Variants in SIRT5 observed in about 807,000 individuals in gnomAD.
The protein encoded by SIRT5 is sirtuin 5.
A neutral mutation model predicts 40.0 loss-of-function variants in SIRT5; 26 were observed. That is an observed-to-expected ratio of 0.65 (90% CI 0.48 to 0.90). The LOEUF is 0.90. Among genes scored for constraint, SIRT5 ranks in the 40% least tolerant of loss-of-function variants. The probability of loss-of-function intolerance (pLI) is 0.00; values close to 1 mark genes in which losing one functional copy is unlikely to be tolerated. For missense variants in SIRT5, 401 were observed against 402.4 expected, an observed-to-expected ratio of 1.00 and a Z score of 0.03; for synonymous variants, 146 against 149.1, an observed-to-expected ratio of 0.98 and a Z score of 0.15.
chr6:13,611,748 A>AT (rs1397482760), intron 9 of SIRT5, 42 bp from the exon 10 acceptor site: 3 of 1,449,700 alleles, frequency 2.1e-6, no homozygotes. Context: ...CATTTTGCTA[A>AT]CCTGTAGTTC....
rs567284569 is a variant in SIRT5 at position 13,593,362 on chromosome 6, T to C, written c.475+1468T>C. 2.0e-5 allele frequency among the ~76,000 whole-genome samples: 3 copies of C among 152,326 alleles called. No individual in the cohort carries two copies. In the South Asian group the frequency reaches 6.2e-4, roughly 32 times the overall value. Reference sequence around the variant, plus strand: ...ACTCATTTCGACTGTGTCTGTCTTTTGTTCATCAGGAACAGCCAGCCACCT... The same window carrying C: ...ACTCATTTCGACTGTGTCTGTCTTTCGTTCATCAGGAACAGCCAGCCACCT... On this transcript the variant is annotated intron_variant, in intron 5 of 9. Coordinates refer to ENST00000606117, the MANE Select transcript of SIRT5 (RefSeq NM_012241.5).
intron 9 of SIRT5, among the ~76,000 whole-genome samples, chr6:13,610,925 G>T (rs185547011): frequency 2.6e-5 from 4 of 152,184 alleles, no homozygotes; most frequent in Admixed American, 2.6e-4. Flanking sequence ...ATTTTTAATT[G>T]TGCTCAACTG....
intron 3 of SIRT5, chr6:13,584,862 A>G (rs1303586436): frequency 1.3e-5 from 2 of 152,240 alleles, no homozygotes. Context: ...TTTCTCCTGG[A>G]CAGAAATACT....
intron 9 of SIRT5, among the ~76,000 whole-genome samples, chr6:13,606,925 A>G (rs1584867009): frequency 6.8e-6 from 1 of 147,802 alleles, no homozygotes; most frequent in African/African-American, 2.5e-5. Context: ...CAAGAGATCC[A>G]CCTGCCTTAG....
chr6:13,584,721 A>G (rs1584759380), intron 3 of SIRT5, among the ~76,000 whole-genome samples: 1 of 152,170 alleles, frequency 6.6e-6, no homozygotes, highest in African/African-American at 2.4e-5. Flanking sequence ...AAGTCCATCT[A>G]GGACATTTTG....
intron 9 of SIRT5, among the ~76,000 whole-genome samples, chr6:13,608,821 ATT>A (rs144601335): frequency 0.01 from 1,528 of 146,350 alleles, 27 homozygotes; most frequent in African/African-American, 0.034. Context: ...ATTTTATTGG[ATT>A]TTTTTTTTTT....
In SIRT5 at chr6:13,591,845, C is replaced by T. The variant is rs200210777; in HGVS notation, c.426C>T (p.Ile142=). The change falls in exon 5 of 10, where the codon ATC becomes ATT. Residue 142 remains isoleucine (I), a synonymous_variant. Transcript: ENST00000606117. Reference sequence around the variant, plus strand: ...GAGTCGTGGTCATCACCCAGAACATCGATGAGCTGCACCGCAAGGCTGGCA... The same window carrying T: ...GAGTCGTGGTCATCACCCAGAACATTGATGAGCTGCACCGCAAGGCTGGCA... ...GRRVVVITQN[I]DELHRKAGTK... 7.4e-6 allele frequency: 12 copies of T among 1,614,002 alleles called. No individual in the cohort carries two copies. Among genetic ancestry groups the T allele is most frequent in the African/African-American group, 1.3e-5 (1 of 74,946 alleles).
chr6:13,576,404 C>T (rs367711473), intron 1 of SIRT5, among the ~76,000 whole-genome samples: 2 of 152,250 alleles, frequency 1.3e-5, no homozygotes, highest in East Asian at 3.9e-4. Flanking sequence ...TGGTGGTTAG[C>T]AAAGTTGAGC....
intron 4 of SIRT5, among the ~76,000 whole-genome samples, chr6:13,590,685 G>T (rs967768464): frequency 2.0e-5 from 3 of 151,878 alleles, no homozygotes; most frequent in Non-Finnish European, 4.4e-5. Flanking sequence ...GTGTGTAGTT[G>T]TGTATGTAGA....
chr6:13,600,738 C>A, intron 8 of SIRT5, 96 bp from the exon 9 acceptor site: 1 of 973,146 alleles, frequency 1.0e-6, no homozygotes, highest in Non-Finnish European at 1.5e-6. Context: ...CACCTGCAAC[C>A]ACAGACCTGC....
In SIRT5 at chr6:13,591,873, A is replaced by G; in HGVS notation, c.454A>G (p.Lys152Glu). The stretch of plus-strand genomic sequence containing the variant: ...TGAGCTGCACCGCAAGGCTGGCACC[A>G]AGAACCTTCTGGAGATCCATGGTGA... ...IDELHRKAGT[K>E]NLLEIHGSLF... is the part of the protein sequence containing the mutation. The change falls in exon 5 of 10, where the codon AAG becomes GAG. Residue 152 changes from lysine (K) to glutamate (E), a missense_variant. By Grantham distance (56) the Lys-to-Glu change is moderately conservative. Coordinates refer to ENST00000606117, the MANE Select transcript of SIRT5 (RefSeq NM_012241.5). 3 of 1,613,578 alleles carry G rather than the reference A, an allele frequency of 1.9e-6. No homozygotes were observed. The highest frequency in any genetic ancestry group is 2.5e-6 in the Non-Finnish European group (3 of 1,179,538).
chr6:13,575,121 G>A (rs1248604663), intron 1 of SIRT5, among the ~76,000 whole-genome samples: 2 of 152,324 alleles, frequency 1.3e-5, no homozygotes, highest in South Asian at 2.1e-4. Flanking sequence ...TGCTTCGGGG[G>A]GAGGCGGCTT....
rs145735064 is a variant in SIRT5, at chr6:13,597,691, G to A, written c.617+675G>A. On this transcript the variant is annotated intron_variant, in intron 7 of 9. Coordinates refer to ENST00000606117, the MANE Select transcript of SIRT5 (RefSeq NM_012241.5). Reference sequence around the variant, plus strand: ...CTCCCGAGTAGCTGGGATTATAGGCGCCCGCCACCACGCCTGGCTATTTTT... The same window carrying A: ...CTCCCGAGTAGCTGGGATTATAGGCACCCGCCACCACGCCTGGCTATTTTT... 4.5e-4 allele frequency among the ~76,000 whole-genome samples: 69 copies of A among 152,028 alleles called. No individual in the cohort carries two copies. The East Asian group carries it at 0.012, about 26-fold the overall frequency.
At chr6:13,585,545 A>T (rs1246956120) in intron 3 of SIRT5, among the ~76,000 whole-genome samples, 1 of 152,158 alleles carries the variant, frequency 6.6e-6, no homozygotes, top group East Asian at 1.9e-4. Context: ...TTCCAGCATC[A>T]TCCATGTCCC....
intron 7 of SIRT5, among the ~76,000 whole-genome samples, chr6:13,597,453 AGG>A (rs1026507902): frequency 2.0e-5 from 3 of 150,364 alleles, no homozygotes; most frequent in African/African-American, 4.9e-5. Context: ...AAAAAAAAAA[AGG>A]AAGATTTTTA....
Position 13,588,553 on chromosome 6 carries a change from C to T in SIRT5, c.249+89C>T. On this transcript the variant is annotated intron_variant, in intron 4 of 9. Transcript: ENST00000606117. Reference sequence around the variant, plus strand: ...AAATCCTATACCGATCCCCGAAACCCCAGGGAAATGGTTTTTAAGTGAACT... The same window carrying T: ...AAATCCTATACCGATCCCCGAAACCTCAGGGAAATGGTTTTTAAGTGAACT... 2.8e-6 allele frequency: 4 copies of T among 1,439,100 alleles called. No homozygotes were observed. In the South Asian group the frequency reaches 5.7e-5, roughly 21 times the overall value. 89.1% of individuals were successfully genotyped at this position (1,439,100 alleles called of 1,614,324 possible).
At chr6:13,611,167 C>G (rs370730899) in intron 9 of SIRT5, among the ~76,000 whole-genome samples, 2 of 141,588 alleles carry the variant, frequency 1.4e-5, no homozygotes, top group East Asian at 2.0e-4. Context: ...GTTCTCAGTA[C>G]TACCTGTGAA....
In SIRT5 at chr6:13,612,404, G is replaced by A. The variant is rs1015679557; in HGVS notation, c.*539G>A. 1.3e-5 allele frequency: 2 copies of A among 150,408 alleles called. No homozygotes were observed. The highest frequency in any genetic ancestry group is 2.9e-5 in the Non-Finnish European group (2 of 67,912). The allele number at this position is 150,408 out of a possible 1,614,324, so 9.3% of individuals were successfully genotyped here. A position where few individuals can be genotyped will look rare whatever the true frequency, so the allele number is the denominator to read the frequency against. ...TGCCCAGGCTGGAGTGCAGTGGTGC[G>A]ATCTCAGCTCACAGCAACCTCCGCC... On this transcript the variant is annotated 3_prime_UTR_variant, in exon 10 of 10. Transcript: ENST00000606117.
At chr6:13,585,708 T>G (rs1759985929) in intron 3 of SIRT5, among the ~76,000 whole-genome samples, 1 of 152,240 alleles carries the variant, frequency 6.6e-6, no homozygotes, top group South Asian at 2.1e-4. Flanking sequence ...AACATACGTA[T>G]GCATGTGTCT....
Sources: gnomAD v4.1 joint callset for allele counts (sites outside exome capture counted in the v4.1 genomes callset) on GRCh38, gnomAD v4.1.1 for gene constraint, MANE v1.5 for transcripts, NCBI Gene and HGNC (gene_info 2026-07-23, HGNC 2026-07-21) for gene names.